Variants in EFL1 observed in about 807,000 individuals in gnomAD.
EFL1 encodes elongation factor like GTPase 1.
In EFL1, 76 loss-of-function variants were observed where a neutral mutation model predicts 126.7. The ratio of observed to expected loss-of-function variants is 0.60; its 90% confidence interval spans 0.50 to 0.73. The LOEUF is 0.73. Ranked by LOEUF, EFL1 falls within the 30% of genes least tolerant of loss-of-function variation. The pLI, the probability that EFL1 is intolerant of heterozygous loss-of-function variation, is 0.00. For synonymous variants in EFL1, 410 were observed against 448.4 expected (o/e 0.91, Z 1.08); for missense variants, 1,128 against 1,343.2 (o/e 0.84, Z 2.50).
intron 19 of EFL1, among the ~76,000 whole-genome samples, chr15:82,132,814 T>C (rs2073672683): frequency 6.6e-6 from 1 of 152,022 alleles, no homozygotes; most frequent in Non-Finnish European, 1.5e-5. Context: ...GGGGTTCTTC[T>C]GGGTCAGAGG....
rs535116427 is a variant in EFL1 at position 82,213,826 on chromosome 15, G to A, written c.1750+891C>T. 3.3e-5 allele frequency among the ~76,000 whole-genome samples: 5 copies of A among 152,230 alleles called. No individual in the cohort carries two copies. The South Asian group carries it at 1.0e-3, about 32-fold the overall frequency. ...GGGATGGAAGAAAATAGGTAACACC[G>A]ATGAGAAGCTAAGCATTCTACAAAT... On this transcript the variant is annotated intron_variant, in intron 15 of 19. Transcript: ENST00000268206.
intron 15 of EFL1, among the ~76,000 whole-genome samples, chr15:82,195,009 G>A (rs1318974267): frequency 6.6e-6 from 1 of 152,104 alleles, no homozygotes; most frequent in Non-Finnish European, 1.5e-5. Flanking sequence ...TTTATATCAC[G>A]TAGCGTTCAA....
At position 82,151,466 on chromosome 15, in the gene EFL1, G is replaced by A. The variant is rs562886486; in HGVS notation, c.2988C>T (p.Leu996=). 2.9e-5 allele frequency: 47 copies of A among 1,603,316 alleles called. 1 individual carries two copies. In the South Asian group the frequency reaches 4.1e-4, roughly 14 times the overall value. ...TCDIMATGDV[L]GRVYAVLSKR... ...CTATCTTTACCTTTTCTTCCTTACC[G>A]AGAACATCACCAGTGGCCATGATGT... Residue 996 remains leucine, a splice_region_variant and synonymous_variant, in exon 18 of 20, where the codon CTC becomes CTT. Transcript: ENST00000268206.
At chr15:82,163,254 A>G (rs1025708398) in intron 16 of EFL1, among the ~76,000 whole-genome samples, 5 of 152,206 alleles carry the variant, frequency 3.3e-5, no homozygotes, top group African/African-American at 1.2e-4. Flanking sequence ...ATAAAACATG[A>G]AATTTGGCCG....
At chr15:82,242,118 TAGAG>T (rs1197467084) in intron 4 of EFL1, among the ~76,000 whole-genome samples, 1 of 152,220 alleles carries the variant, frequency 6.6e-6, no homozygotes, top group African/African-American at 2.4e-5. Context: ...TCTTAGGTTA[TAGAG>T]AGTTATCACT....
intron 18 of EFL1, among the ~76,000 whole-genome samples, chr15:82,140,927 G>C (rs993024320): frequency 1.3e-5 from 2 of 152,078 alleles, no homozygotes; most frequent in Non-Finnish European, 2.9e-5. Context: ...TCCATCTTTG[G>C]ATAACTGTAA....
intron 15 of EFL1, among the ~76,000 whole-genome samples, chr15:82,170,208 G>A (rs1024020227): frequency 1.1e-4 from 16 of 141,622 alleles, no homozygotes; most frequent in South Asian, 4.7e-4. Context: ...TCCGCCTCCC[G>A]GGTTCATGCC....
At chr15:82,228,960 T>C (rs1044699811) in intron 9 of EFL1, 74 bp downstream of exon 9, 7 of 1,219,864 alleles carry the variant, frequency 5.7e-6, no homozygotes, top group South Asian at 1.5e-5. Flanking sequence ...TTCTGAAATA[T>C]GACTCATCAA....
chr15:82,139,243 A>C (rs1157991754), intron 18 of EFL1, among the ~76,000 whole-genome samples: 1 of 152,210 alleles, frequency 6.6e-6, no homozygotes, highest in Non-Finnish European at 1.5e-5. Context: ...TTGACATGGC[A>C]ATGATAATTA....
At chr15:82,204,112 T>C (rs1489611176) in intron 15 of EFL1, among the ~76,000 whole-genome samples, 1 of 152,218 alleles carries the variant, frequency 6.6e-6, no homozygotes, top group Non-Finnish European at 1.5e-5. Context: ...TGAAAGGACA[T>C]TTCACCGAGA....
intron 19 of EFL1, among the ~76,000 whole-genome samples, chr15:82,135,489 C>T (rs1443043092): frequency 6.6e-6 from 1 of 152,046 alleles, no homozygotes; most frequent in Non-Finnish European, 1.5e-5. Context: ...AAGGTGGGGG[C>T]ATACTTTTCC....
chr15:82,173,117 G>T (rs999720114), intron 15 of EFL1, among the ~76,000 whole-genome samples: 19 of 151,878 alleles, frequency 1.3e-4, no homozygotes, highest in African/African-American at 4.6e-4. Context: ...GCAAAAAATC[G>T]AAAGCACCCT....
chr15:82,153,488 T>G (rs1037836055), intron 17 of EFL1, among the ~76,000 whole-genome samples: 2 of 152,226 alleles, frequency 1.3e-5, no homozygotes, highest in African/African-American at 4.8e-5. Flanking sequence ...TATGAGGCAC[T>G]GTGTTAAGTG....
chr15:82,202,689 G>A (rs1464149649), intron 15 of EFL1, among the ~76,000 whole-genome samples: 1 of 152,024 alleles, frequency 6.6e-6, no homozygotes, highest in Non-Finnish European at 1.5e-5. Context: ...AGCTGAACTA[G>A]AATTTTAACC....
intron 16 of EFL1, among the ~76,000 whole-genome samples, chr15:82,160,615 A>G (rs1459333245): frequency 6.6e-6 from 1 of 152,212 alleles, no homozygotes; most frequent in Non-Finnish European, 1.5e-5. Flanking sequence ...CAGCACAAAA[A>G]TTCATATATC....
chr15:82,147,409 C>G (rs2073858949), intron 18 of EFL1, among the ~76,000 whole-genome samples: 1 of 151,948 alleles, frequency 6.6e-6, no homozygotes, highest in Admixed American at 6.6e-5. Context: ...GCGGGCGGAT[C>G]ACTTGAGGCC....
intron 19 of EFL1, among the ~76,000 whole-genome samples, chr15:82,138,430 A>ATGTGTGTGTGTGTG (rs10675439): frequency 3.8e-4 from 55 of 146,102 alleles, no homozygotes; most frequent in South Asian, 1.5e-3. Context: ...GAGAGAGTGT[A>ATGTGTGTGTGTGTG]TGTGTGTGTG....
intron 19 of EFL1, among the ~76,000 whole-genome samples, chr15:82,132,694 G>T (rs1041282768): frequency 3.4e-4 from 22 of 63,984 alleles, no homozygotes; most frequent in Non-Finnish European, 5.9e-4. Context: ...GGGGGGGGGG[G>T]GGTAGGCAGA....
rs202018584 is a variant in EFL1, at chr15:82,157,693, C to A, written c.2030+20G>T. On this transcript the variant is annotated intron_variant, in intron 17 of 19. Coordinates refer to ENST00000268206, the MANE Select transcript of EFL1 (RefSeq NM_024580.6). ...TGATTGAGAGCTATCATTTCTCCATCGCTATCATTTTCACCTAACCTTTCT... is the reference window on the plus strand; with the variant it reads ...TGATTGAGAGCTATCATTTCTCCATAGCTATCATTTTCACCTAACCTTTCT... The A allele has an allele frequency of 6.2e-7, 1 of 1,600,960 alleles. No homozygotes were observed. Among genetic ancestry groups the A allele is most frequent in the Non-Finnish European group, 8.5e-7 (1 of 1,170,776 alleles).
Sources: allele counts gnomAD v4.1 joint callset (sites outside exome capture counted in the v4.1 genomes callset), GRCh38; gene constraint gnomAD v4.1.1; transcripts MANE v1.5; gene names NCBI Gene and HGNC (gene_info 2026-07-23, HGNC 2026-07-21).